The following HECW1 variants were observed in gnomAD, a reference collection of about 807,000 sequenced individuals.
HECW1 encodes the protein HECT, C2 and WW domain containing E3 ubiquitin protein ligase 1.
A neutral mutation model predicts 182.3 loss-of-function variants in HECW1; 61 were observed. That is an observed-to-expected ratio of 0.33 (90% CI 0.27 to 0.41). HECW1 has a LOEUF of 0.41. HECW1 is among the 10% of genes least tolerant of loss of function. HECW1 has a pLI of 1.00. For missense variants in HECW1, 1,739 were observed against 2,108.9 expected (o/e 0.82, Z 3.44); for synonymous variants, 859 against 832.6 (o/e 1.03, Z -0.55).
intron 7 of HECW1, among the ~76,000 whole-genome samples, chr7:43,401,422 A>T (rs1327505246): frequency 3.9e-5 from 6 of 152,328 alleles, no homozygotes; most frequent in Admixed American, 2.6e-4. Context: ...AGAAATCAGA[A>T]CAAACTGAAC....
chr7:43,278,417 G>A (rs1166565705), intron 3 of HECW1, among the ~76,000 whole-genome samples: 4 of 151,976 alleles, frequency 2.6e-5, no homozygotes, highest in Admixed American at 6.5e-5. Context: ...TCTAGCAAGC[G>A]GCAGCTCCCC....
intron 8 of HECW1, among the ~76,000 whole-genome samples, chr7:43,424,493 T>C (rs984607725): frequency 6.6e-6 from 1 of 152,074 alleles, no homozygotes. Flanking sequence ...CCTGGTGTTG[T>C]GTGCCTGTAG....
chr7:43,358,033 C>CT (rs1815384842), intron 5 of HECW1, among the ~76,000 whole-genome samples: 1 of 152,048 alleles, frequency 6.6e-6, no homozygotes, highest in Non-Finnish European at 1.5e-5. Context: ...TTTCCCTGAC[C>CT]TTTTTGCTCA....
In HECW1 at chr7:43,346,873, CA is replaced by C. The variant is rs200283168; in HGVS notation, c.461-14012del. ...TATGTGCCTATTTTTATACCAGTAC[CA>C]TGCTGTTTTGGTGACTATGGCCTTA... On this transcript the variant is annotated intron_variant, in intron 5 of 29. Transcript: ENST00000395891. Among the ~76,000 whole-genome samples the C allele has an allele frequency of 7.8e-3, 1,195 of 152,236 alleles. 12 individuals are homozygous for C. The highest frequency in any genetic ancestry group is 9.7e-3 in the Non-Finnish European group (662 of 68,016).
At chr7:43,186,577 G>A (rs1793423292) in intron 2 of HECW1, among the ~76,000 whole-genome samples, 1 of 151,566 alleles carries the variant, frequency 6.6e-6, no homozygotes. Context: ...GCTGAGGCAG[G>A]AGAATGGCAT....
intron 2 of HECW1, among the ~76,000 whole-genome samples, chr7:43,160,093 AG>A (rs1790374814): frequency 6.6e-6 from 1 of 152,210 alleles, no homozygotes; most frequent in Non-Finnish European, 1.5e-5. Flanking sequence ...ATAACTAGTG[AG>A]ATTAAACAGT....
chr7:43,319,905 AC>A (rs1562831048), intron 4 of HECW1, among the ~76,000 whole-genome samples: 1 of 149,308 alleles, frequency 6.7e-6, no homozygotes, highest in Non-Finnish European at 1.5e-5. Flanking sequence ...GAGCCACTGC[AC>A]CCCGCCTCCT....
intron 3 of HECW1, among the ~76,000 whole-genome samples, chr7:43,245,192 C>T (rs928485552): frequency 1.3e-5 from 2 of 152,198 alleles, no homozygotes; most frequent in African/African-American, 2.4e-5. Context: ...GCTTGGTGTG[C>T]GCTCAGGAGC....
At chr7:43,477,207 T>C (rs993226396) in intron 16 of HECW1, among the ~76,000 whole-genome samples, 4 of 152,166 alleles carry the variant, frequency 2.6e-5, no homozygotes, top group Non-Finnish European at 4.4e-5. Flanking sequence ...GGAAGATTCA[T>C]GAACTAATGG....
At chr7:43,405,627 TC>T (rs1469109274) in intron 7 of HECW1, among the ~76,000 whole-genome samples, 2 of 152,080 alleles carry the variant, frequency 1.3e-5, no homozygotes, top group African/African-American at 4.8e-5. Flanking sequence ...CATGTGTGCA[TC>T]TTCTGCTTAG....
rs147538284 is a variant in HECW1, at chr7:43,151,947, T to C, written c.-32+37556T>C. Among the ~76,000 whole-genome samples, 879 of 152,010 alleles carry C rather than the reference T, an allele frequency of 5.8e-3. 12 individuals are homozygous for C. Among genetic ancestry groups the C allele is most frequent in the African/African-American group, 0.02 (835 of 41,542 alleles). On this transcript the variant is annotated intron_variant, in intron 2 of 29. Transcript: ENST00000395891. The stretch of plus-strand genomic sequence containing the variant: ...CATACATATACATATCCTAATAATA[T>C]GTTCTAATTTCATGAGTAAAGACAT...
intron 13 of HECW1, among the ~76,000 whole-genome samples, chr7:43,460,557 T>C (rs983143677): frequency 6.6e-6 from 1 of 151,728 alleles, no homozygotes; most frequent in South Asian, 2.1e-4. Context: ...TGTGCGTGTG[T>C]GCGTGTGTGT....
rs755085203 is a variant in HECW1 at position 43,509,061 on chromosome 7, A to T, written c.3959A>T (p.Asn1320Ile). The change falls in exon 24 of 30, where the codon AAT becomes ATT. Residue 1320 changes from asparagine to isoleucine, a missense_variant. Coordinates refer to ENST00000395891, the MANE Select transcript of HECW1 (RefSeq NM_015052.5). Reference sequence around the variant, plus strand: ...TATGGACTCTTTGAGTACTCGGCAAATGATACTTACACGGTGCAGATCAGC... The same window carrying T: ...TATGGACTCTTTGAGTACTCGGCAATTGATACTTACACGGTGCAGATCAGC... Reference protein sequence around the residue: ...PYYGLFEYSANDTYTVQISPM... With the variant: ...PYYGLFEYSAIDTYTVQISPM... The T allele has an allele frequency of 3.7e-6, 6 of 1,614,140 alleles. No homozygotes were observed. Among genetic ancestry groups the T allele is most frequent in the Admixed American group, 3.3e-5 (2 of 60,028 alleles).
chr7:43,359,939 T>G (rs1157257578), intron 5 of HECW1, among the ~76,000 whole-genome samples: 1 of 152,222 alleles, frequency 6.6e-6, no homozygotes, highest in East Asian at 1.9e-4. Context: ...TCATGTTGGC[T>G]ACAGATCTTG....
At chr7:43,537,818 T>C (rs998276349) in intron 24 of HECW1, among the ~76,000 whole-genome samples, 19 of 152,222 alleles carry the variant, frequency 1.2e-4, no homozygotes, top group African/African-American at 4.6e-4. Flanking sequence ...GGCTTGTTTG[T>C]TGCCCATGTC....
chr7:43,516,302 C>T (rs1380118003), intron 24 of HECW1, among the ~76,000 whole-genome samples: 1 of 151,938 alleles, frequency 6.6e-6, no homozygotes, highest in Non-Finnish European at 1.5e-5. Context: ...GACAGATAGA[C>T]GGATGGTTGA....
At chr7:43,201,858 C>G (rs1248673827) in intron 2 of HECW1, among the ~76,000 whole-genome samples, 1 of 152,094 alleles carries the variant, frequency 6.6e-6, no homozygotes, top group Non-Finnish European at 1.5e-5. Flanking sequence ...AGAAAAATGC[C>G]TAAATGTCCA....
intron 27 of HECW1, among the ~76,000 whole-genome samples, chr7:43,551,971 A>AC (rs71011926): frequency 1.3e-4 from 20 of 151,582 alleles, no homozygotes; most frequent in Non-Finnish European, 2.8e-4. Flanking sequence ...ATATCTAAGC[A>AC]CCCCCCCAAA....
chr7:43,565,553 G>A lies in HECW1; in HGVS notation c.*3627G>A, dbSNP rs1190741235. 2 of 173,882 alleles carry A rather than the reference G, an allele frequency of 1.2e-5. No individual in the cohort carries two copies. Among genetic ancestry groups the A allele is most frequent in the African/African-American group, 4.9e-5 (2 of 40,576 alleles). 10.8% of individuals were successfully genotyped at this position (173,882 alleles called of 1,614,324 possible). ...AGTTAGAACTTTACATAACAAATGT[G>A]GTGCTTTATTATTATTATTATTATT... is the stretch of plus-strand genomic sequence containing the variant. On this transcript the variant is annotated 3_prime_UTR_variant, in exon 30 of 30. Transcript: ENST00000395891.
Sources: gnomAD v4.1 joint callset for allele counts (sites outside exome capture counted in the v4.1 genomes callset) on GRCh38, gnomAD v4.1.1 for gene constraint, MANE v1.5 for transcripts, NCBI Gene and HGNC (gene_info 2026-07-23, HGNC 2026-07-21) for gene names.